Variants in CHN2 observed in about 807,000 individuals in gnomAD.
CHN2 encodes the protein chimerin 2, also known as beta-chimaerin.
A neutral mutation model predicts 56.3 loss-of-function variants in CHN2; 35 were observed. That is an observed-to-expected ratio of 0.62 (90% CI 0.47 to 0.82). CHN2 has a LOEUF of 0.82. Among genes scored for constraint, CHN2 ranks in the 40% least tolerant of loss-of-function variants. The pLI is 0.00. For synonymous variants in CHN2, 210 were observed against 212.8 expected (o/e 0.99, Z 0.12); for missense variants, 491 against 580.5 (o/e 0.85, Z 1.58).
At chr7:29,397,104 T>G (rs1417833148) in intron 4 of CHN2, 1 of 152,286 alleles carries the variant, frequency 6.6e-6, no homozygotes. Flanking sequence ...AGAAAGCCTT[T>G]TTCTTCCAGG....
intron 3 of CHN2, among the ~76,000 whole-genome samples, chr7:29,381,838 C>CAAAAAAAAAAAAA (rs1800538962): frequency 1.6e-5 from 1 of 62,646 alleles, no homozygotes; most frequent in Non-Finnish European, 3.5e-5. Flanking sequence ...AAAAAAAAAG[C>CAAAAAAAAAAAAA]AGGGCCTAGG....
At chr7:29,408,094 A>G (rs1271637983) in intron 6 of CHN2, among the ~76,000 whole-genome samples, 2 of 152,028 alleles carry the variant, frequency 1.3e-5, no homozygotes, top group East Asian at 1.9e-4. Context: ...GGAGGCTGAG[A>G]CAGGAGAATC....
chr7:29,224,232 T>C (rs183458674), intron 1 of CHN2, among the ~76,000 whole-genome samples: 59 of 152,292 alleles, frequency 3.9e-4, no homozygotes, highest in Non-Finnish European at 6.8e-4. Flanking sequence ...AGTTCCTTTT[T>C]CCTCCAGAAA....
chr7:29,149,075 G>A lies in CHN2; in HGVS notation c.274+2115G>A, dbSNP rs149412100. On this transcript the variant is annotated intron_variant, in intron 2 of 6. Transcript: ENST00000439384. ...CAGGCGTGTTCAGGGTGGGTCGGGG[G>A]TTAACTAATACTGAGGTTAGAAAAT... is the stretch of plus-strand genomic sequence containing the variant. Among the ~76,000 whole-genome samples, 543 of 152,126 alleles carry A rather than the reference G, an allele frequency of 3.6e-3. 3 individuals are homozygous for A. The highest frequency in any genetic ancestry group is 0.01 in the Middle Eastern group (3 of 294).
intron 3 of CHN2, among the ~76,000 whole-genome samples, chr7:29,390,053 C>A (rs368209237): frequency 2.1e-3 from 254 of 121,926 alleles, no homozygotes; most frequent in Middle Eastern, 4.3e-3. Context: ...GACACTGTCT[C>A]AAAAAAAAAA....
At chr7:29,163,314 T>G (rs1446653228) in intron 2 of CHN2, among the ~76,000 whole-genome samples, 1 of 152,106 alleles carries the variant, frequency 6.6e-6, no homozygotes, top group Non-Finnish European at 1.5e-5. Flanking sequence ...GCTTATAGTT[T>G]TTATATTGAT....
At position 29,512,981 on chromosome 7, in the gene CHN2, T is replaced by A; in HGVS notation, c.*246T>A. On this transcript the variant is annotated 3_prime_UTR_variant, in exon 13 of 13. Coordinates refer to ENST00000222792, the MANE Select transcript of CHN2 (RefSeq NM_004067.4). ...GCTGTGCCTCCTATGTATGTCTGGT[T>A]TGCTGGAAGAGTGATTAATACATCT... 1 of 394,856 alleles carries A rather than the reference T, an allele frequency of 2.5e-6. No homozygotes were observed. The highest frequency in any genetic ancestry group is 4.5e-6 in the Non-Finnish European group (1 of 222,226). 24.5% of individuals were successfully genotyped at this position (394,856 alleles called of 1,614,324 possible). A position where few individuals can be genotyped will look rare whatever the true frequency, so the allele number is the denominator to read the frequency against.
At chr7:29,208,174 G>A (rs943078591) in intron 1 of CHN2, among the ~76,000 whole-genome samples, 4 of 152,166 alleles carry the variant, frequency 2.6e-5, no homozygotes, top group African/African-American at 4.8e-5. Flanking sequence ...AAAGACAGAC[G>A]TCTTTGGGGA....
At chr7:29,448,244 T>G (rs1185740800) in intron 6 of CHN2, among the ~76,000 whole-genome samples, 1 of 151,708 alleles carries the variant, frequency 6.6e-6, no homozygotes, top group Non-Finnish European at 1.5e-5. Context: ...TCTTTCCTTA[T>G]TTTTGAAACT....
rs1407154718 is a variant in CHN2, at chr7:29,507,332, TATG to T, written c.1099_1101del (p.Asp367del). On this transcript the variant is annotated inframe_deletion, in exon 11 of 13. Transcript: ENST00000222792. ...AGACTTACCCATCCCTGTCATCACATATGATACCTATTCCAAATTTATAGATGC... is the reference window on the plus strand; with the variant it reads ...AGACTTACCCATCCCTGTCATCACATATACCTATTCCAAATTTATAGATGC... 1.2e-6 allele frequency: 2 copies of T among 1,610,728 alleles called. No homozygotes were observed. Among genetic ancestry groups the T allele is most frequent in the Non-Finnish European group, 1.7e-6 (2 of 1,178,508 alleles).
intron 1 of CHN2, among the ~76,000 whole-genome samples, chr7:29,350,701 G>A (rs1797811544): frequency 6.6e-6 from 1 of 152,196 alleles, no homozygotes; most frequent in Non-Finnish European, 1.5e-5. Context: ...GAAGGATCAG[G>A]GCGAGGTGAT....
chr7:29,401,759 A>G (rs971573270), intron 6 of CHN2, among the ~76,000 whole-genome samples: 1 of 152,188 alleles, frequency 6.6e-6, no homozygotes, highest in Admixed American at 6.5e-5. Flanking sequence ...CGGGGGGTAG[A>G]TTGTGGCAGG....
chr7:29,386,579 C>G (rs903522191), intron 3 of CHN2, among the ~76,000 whole-genome samples: 4 of 151,912 alleles, frequency 2.6e-5, no homozygotes, highest in Non-Finnish European at 5.9e-5. Flanking sequence ...TTGTGTTTAT[C>G]TAGGCAATGA....
Position 29,412,766 on chromosome 7 carries a change from AG to A in CHN2, c.576+11942del, listed in dbSNP as rs1046533603. ...GTGGCCACGAGAGCCCTCTGTTGGA[AG>A]GGGTATCTCTCAGATCATTGGTACA... On this transcript the variant is annotated intron_variant, in intron 6 of 12. Transcript: ENST00000222792. Among the ~76,000 whole-genome samples the A allele has an allele frequency of 2.6e-3, 396 of 152,256 alleles. 7 individuals are homozygous for A. The highest frequency in any genetic ancestry group is 2.2e-3 in the Admixed American group (34 of 15,292).
intron 2 of CHN2, among the ~76,000 whole-genome samples, chr7:29,358,681 G>T (rs1585152952): frequency 6.6e-6 from 1 of 151,994 alleles, no homozygotes; most frequent in Admixed American, 6.6e-5. Flanking sequence ...AGCCAGGATG[G>T]TCTCGATCTC....
intron 1 of CHN2, among the ~76,000 whole-genome samples, chr7:29,275,462 CTA>C (rs568058509): frequency 1.7e-4 from 26 of 152,094 alleles, no homozygotes; most frequent in Non-Finnish European, 3.4e-4. Flanking sequence ...ATGTAAGACT[CTA>C]TGATTATCTG....
At chr7:29,292,087 G>A (rs1792678717) in intron 1 of CHN2, among the ~76,000 whole-genome samples, 1 of 152,198 alleles carries the variant, frequency 6.6e-6, no homozygotes, top group Admixed American at 6.5e-5. Context: ...TTACCATGAT[G>A]TGCAAATTTG....
rs577331218 is a variant in CHN2, at chr7:29,263,789, G to A, written c.49+68799G>A. Among the ~76,000 whole-genome samples the A allele has an allele frequency of 1.2e-4, 18 of 151,562 alleles. No individual in the cohort carries two copies. The East Asian group carries it at 3.0e-3, about 25-fold the overall frequency. On this transcript the variant is annotated intron_variant, in intron 1 of 12. Transcript: ENST00000222792. Reference sequence around the variant, plus strand: ...TGAGATGTGAAGAGTGCCTCTGCCCGGCTGCGACCCCGTCTGGGAGGTGAG... The same window carrying A: ...TGAGATGTGAAGAGTGCCTCTGCCCAGCTGCGACCCCGTCTGGGAGGTGAG...
At chr7:29,291,927 G>A (rs1792663702) in intron 1 of CHN2, among the ~76,000 whole-genome samples, 1 of 152,046 alleles carries the variant, frequency 6.6e-6, no homozygotes, top group East Asian at 1.9e-4. Flanking sequence ...TTTACTCTCG[G>A]AAGTTTTGTT....
Sources: gnomAD v4.1 joint callset for allele counts (sites outside exome capture counted in the v4.1 genomes callset) on GRCh38, gnomAD v4.1.1 for gene constraint, MANE v1.5 for transcripts, NCBI Gene and HGNC (gene_info 2026-07-23, HGNC 2026-07-21) for gene names.